Variants in ZDHHC14 observed in about 807,000 individuals in gnomAD.
The protein encoded by ZDHHC14 is palmitoyltransferase ZDHHC14.
Under a neutral mutation model 47.7 loss-of-function variants are expected in ZDHHC14, and 16 were observed. The ratio of observed to expected loss-of-function variants is 0.34; its 90% CI spans 0.23 to 0.51. The LOEUF (loss-of-function observed/expected upper bound fraction) is 0.51, where lower values mean the gene tolerates loss of function less well. Among genes scored for constraint, ZDHHC14 ranks in the 20% least tolerant of loss-of-function variants. ZDHHC14 has a pLI of 0.97. For missense variants in ZDHHC14, 515 were observed against 662.5 expected (o/e 0.78, Z 2.44); for synonymous variants, 293 against 278.9 (o/e 1.05, Z -0.50).
At chr6:157,421,425 G>A (rs1191400338) in intron 1 of ZDHHC14, among the ~76,000 whole-genome samples, 4 of 148,110 alleles carry the variant, frequency 2.7e-5, no homozygotes, top group Non-Finnish European at 4.5e-5. Flanking sequence ...CCCGGGAGGC[G>A]GAGCTTGCAG....
At chr6:157,607,752 T>A (rs1018498656) in intron 3 of ZDHHC14, among the ~76,000 whole-genome samples, 2 of 151,846 alleles carry the variant, frequency 1.3e-5, no homozygotes, top group South Asian at 4.2e-4. Flanking sequence ...TACCGAGAAA[T>A]ATTGGGAAGA....
intron 3 of ZDHHC14, among the ~76,000 whole-genome samples, chr6:157,609,263 C>T (rs553446967): frequency 6.6e-6 from 1 of 152,206 alleles, no homozygotes; most frequent in East Asian, 1.9e-4. Context: ...TCAAAAGGTG[C>T]GCACCTGGAG....
chr6:157,549,392 G>T (rs1782128453), intron 2 of ZDHHC14, among the ~76,000 whole-genome samples: 1 of 152,222 alleles, frequency 6.6e-6, no homozygotes, highest in African/African-American at 2.4e-5. Context: ...CCTTTTTCTA[G>T]TGGGACGCTC....
At chr6:157,503,973 G>A (rs566185199) in intron 1 of ZDHHC14, among the ~76,000 whole-genome samples, 1 of 152,246 alleles carries the variant, frequency 6.6e-6, no homozygotes, top group Admixed American at 6.5e-5. Context: ...CCATTTGTAA[G>A]TATATATACT....
In ZDHHC14 at chr6:157,592,845, C is replaced by G. The variant is rs541423147; in HGVS notation, c.407-143C>G. ...CCAGCGGAGGGTGAGTCCCAGAGCCCCAGCCTGGGTAAACCGTGGGCACCG... is the reference window on the plus strand; with the variant it reads ...CCAGCGGAGGGTGAGTCCCAGAGCCGCAGCCTGGGTAAACCGTGGGCACCG... On this transcript the variant is annotated intron_variant, in intron 2 of 8. Transcript: ENST00000359775. 1.2e-4 allele frequency: 175 copies of G among 1,470,192 alleles called. No individual in the cohort carries two copies. The African/African-American group carries it at 2.3e-3, about 19-fold the overall frequency. 91.1% of individuals were successfully genotyped at this position (1,470,192 alleles called of 1,614,324 possible).
intron 2 of ZDHHC14, among the ~76,000 whole-genome samples, chr6:157,568,240 A>T (rs1360996443): frequency 1.3e-5 from 2 of 152,222 alleles, no homozygotes; most frequent in African/African-American, 2.4e-5. Context: ...CTCACTACAA[A>T]GTAATATATA....
At chr6:157,625,496 TGAGA>T (rs1184281695) in intron 3 of ZDHHC14, among the ~76,000 whole-genome samples, 1 of 152,024 alleles carries the variant, frequency 6.6e-6, no homozygotes, top group Non-Finnish European at 1.5e-5. Context: ...GGATTGCCAG[TGAGA>T]GAGAAAGACA....
chr6:157,424,414 GC>G (rs946001928), intron 1 of ZDHHC14, among the ~76,000 whole-genome samples: 5 of 152,084 alleles, frequency 3.3e-5, no homozygotes, highest in African/African-American at 1.2e-4. Context: ...CACAATCACT[GC>G]CCTATTTTTT....
intron 1 of ZDHHC14, among the ~76,000 whole-genome samples, chr6:157,531,486 T>A (rs1386794229): frequency 6.6e-6 from 1 of 151,954 alleles, no homozygotes; most frequent in Middle Eastern, 3.2e-3. Flanking sequence ...CAGAAAGGCT[T>A]CACCAACACC....
chr6:157,640,696 C>A (rs1249219495), intron 5 of ZDHHC14, among the ~76,000 whole-genome samples: 1 of 152,214 alleles, frequency 6.6e-6, no homozygotes, highest in Non-Finnish European at 1.5e-5. Flanking sequence ...CCCTAACCAG[C>A]CCCACTGAGG....
Position 157,673,469 on chromosome 6 carries a change from A to C in ZDHHC14, c.*347A>C. The C allele has an allele frequency of 6.2e-6, 2 of 324,580 alleles. No homozygotes were observed. Among genetic ancestry groups the C allele is most frequent in the Non-Finnish European group, 1.1e-5 (2 of 179,700 alleles). 20.1% of individuals were successfully genotyped at this position (324,580 alleles called of 1,614,324 possible). A position where few individuals can be genotyped will look rare whatever the true frequency, so the allele number is the denominator to read the frequency against. ...TTCTGACGCTTGTGGCCAGACTGCA[A>C]TTGCACTTATGTGTTATGCTACTAA... On this transcript the variant is annotated 3_prime_UTR_variant, in exon 9 of 9. Coordinates refer to ENST00000359775, the MANE Select transcript of ZDHHC14 (RefSeq NM_024630.3). This position sits in a 1 kb window ranked among gnomAD's most constrained non-coding sequence, Gnocchi z 5.4.
At chr6:157,556,276 G>GGGGGGGGGGGGGGGGGGGAAAGGGGT (rs1782460234) in intron 2 of ZDHHC14, among the ~76,000 whole-genome samples, 3 of 150,562 alleles carry the variant, frequency 2.0e-5, no homozygotes, top group African/African-American at 4.9e-5. Flanking sequence ...TGGGAAGGGG[G>GGGGGGGGGGGGGGGGGGGAAAGGGGT]GATGGCCAGC....
intron 5 of ZDHHC14, among the ~76,000 whole-genome samples, chr6:157,636,634 A>G (rs547952167): frequency 6.6e-6 from 1 of 152,292 alleles, no homozygotes; most frequent in East Asian, 1.9e-4. Context: ...GGCAGCCAAG[A>G]AAAAGACCCT....
At position 157,463,677 on chromosome 6, in the gene ZDHHC14, G is replaced by A. The variant is rs1779145991; in HGVS notation, c.246-78908G>A. Reference sequence around the variant, plus strand: ...AAATAATTCTCAAGCTAAGCAGATGGTGCTGGCACTTCGTCCCAATGTCTC... The same window carrying A: ...AAATAATTCTCAAGCTAAGCAGATGATGCTGGCACTTCGTCCCAATGTCTC... On this transcript the variant is annotated intron_variant, in intron 1 of 8. Transcript: ENST00000359775. The surrounding 1 kb of genome is among the most constrained non-coding windows in gnomAD (Gnocchi z 4.4). Among the ~76,000 whole-genome samples the A allele has an allele frequency of 6.6e-6, 1 of 152,210 alleles. No homozygotes were observed. The highest frequency in any genetic ancestry group is 2.4e-5 in the African/African-American group (1 of 41,442).
At chr6:157,595,980 C>T (rs748923811) in intron 3 of ZDHHC14, among the ~76,000 whole-genome samples, 1 of 152,202 alleles carries the variant, frequency 6.6e-6, no homozygotes, top group African/African-American at 2.4e-5. Context: ...CCCAGGAGCA[C>T]ACCGCAAGCC....
At chr6:157,497,287 G>A (rs540986583) in intron 1 of ZDHHC14, among the ~76,000 whole-genome samples, 1 of 152,298 alleles carries the variant, frequency 6.6e-6, no homozygotes, top group Non-Finnish European at 1.5e-5. Flanking sequence ...GGAAAAGGTG[G>A]AGCTTTGAGG....
intron 4 of ZDHHC14, 183 bp from the exon 5 acceptor site, chr6:157,632,651 T>A: frequency 1.5e-6 from 1 of 659,492 alleles, no homozygotes; most frequent in Non-Finnish European, 2.7e-6. Flanking sequence ...GAATCCTCCA[T>A]TTTCTTGATG....
At chr6:157,563,377 C>T (rs1242982486) in intron 2 of ZDHHC14, among the ~76,000 whole-genome samples, 1 of 152,212 alleles carries the variant, frequency 6.6e-6, no homozygotes, top group African/African-American at 2.4e-5. Flanking sequence ...TGTGAGATCA[C>T]CCAGGAGTGG....
chr6:157,557,674 G>C (rs1210259704), intron 2 of ZDHHC14, among the ~76,000 whole-genome samples: 2 of 152,346 alleles, frequency 1.3e-5, no homozygotes, highest in East Asian at 1.9e-4. Flanking sequence ...CCTCTTGTCA[G>C]CTGGGTCCAT....
Sources: gnomAD v4.1 joint callset for allele counts (sites outside exome capture counted in the v4.1 genomes callset) on GRCh38, gnomAD v4.1.1 for gene constraint, Gnocchi (gnomAD v3.1) non-coding constraint, MANE v1.5 for transcripts, NCBI Gene and HGNC (gene_info 2026-07-23, HGNC 2026-07-21) for gene names.